Variants in ZZEF1 observed in about 807,000 individuals in gnomAD.
ZZEF1 encodes zinc finger ZZ-type and EF-hand domain containing 1.
ZZEF1 carries 157 observed loss-of-function variants against 342.8 expected under a neutral mutation model. That is an observed-to-expected ratio of 0.46 (90% CI 0.40 to 0.52). The LOEUF (loss-of-function observed/expected upper bound fraction) is 0.52, where lower values mean the gene tolerates loss of function less well. ZZEF1 is among the 20% of genes least tolerant of loss of function. The pLI is 0.00. For missense variants in ZZEF1, 3,480 were observed against 3,725.6 expected (o/e 0.93, Z 1.72); for synonymous variants, 1,505 against 1,429.1 (o/e 1.05, Z -1.20).
chr17:4,014,009 G>A lies in ZZEF1; in HGVS notation c.8413+81C>T. On this transcript the variant is annotated intron_variant, in intron 51 of 54. Coordinates refer to ENST00000381638, the MANE Select transcript of ZZEF1 (RefSeq NM_015113.4). The surrounding 1 kb of genome is among the most constrained non-coding windows in gnomAD (Gnocchi z 4.4). ...AAGTACCTGCTTTGATTTTAACCAA[G>A]ATCAGTGACATCATGGCACCCACAG... 1 of 1,344,664 alleles carries A rather than the reference G, an allele frequency of 7.4e-7. No individual in the cohort carries two copies. Among genetic ancestry groups the A allele is most frequent in the Non-Finnish European group, 1.1e-6 (1 of 947,624 alleles). The allele number at this position is 1,344,664 out of a possible 1,614,324, so 83.3% of individuals were successfully genotyped here. A position where few individuals can be genotyped will look rare whatever the true frequency, so the allele number is the denominator to read the frequency against.
chr17:4,102,657 A>G (rs759580398), intron 8 of ZZEF1, among the ~76,000 whole-genome samples: 8 of 152,244 alleles, frequency 5.3e-5, no homozygotes, highest in Non-Finnish European at 8.8e-5. Context: ...TTTCTAGAAC[A>G]ATCATTGTTC....
chr17:4,024,203 T>TG (rs2056349554), intron 43 of ZZEF1, among the ~76,000 whole-genome samples: 4 of 143,324 alleles, frequency 2.8e-5, no homozygotes, highest in African/African-American at 1.1e-4. Context: ...TTTTTTTTTT[T>TG]TTTTTTTTTT....
chr17:4,140,298 A>G lies in ZZEF1; in HGVS notation c.354+2244T>C, dbSNP rs1413561859. Among the ~76,000 whole-genome samples the G allele has an allele frequency of 2.0e-5, 3 of 152,322 alleles. No homozygotes were observed. The East Asian group carries it at 5.8e-4, about 29-fold the overall frequency. The stretch of plus-strand genomic sequence containing the variant: ...CTGGACTTTGAACTTTTGTGGATAC[A>G]ATTTCCTCTGCCTGAAACGCTGTTA... On this transcript the variant is annotated intron_variant, in intron 1 of 54. Transcript: ENST00000381638.
At chr17:4,066,618 G>A in intron 27 of ZZEF1, 78 bp from the exon 28 acceptor site, 1 of 1,183,738 alleles carries the variant, frequency 8.4e-7, no homozygotes, top group Non-Finnish European at 1.3e-6. Flanking sequence ...TACTTCAAAA[G>A]CACACAGCAC....
chr17:4,042,654 T>A, intron 38 of ZZEF1, 86 bp from the exon 39 acceptor site: 1 of 1,304,032 alleles, frequency 7.7e-7, no homozygotes. Flanking sequence ...TCCCCTGTGC[T>A]GCTACGGAAT....
chr17:4,058,057 T>C lies in ZZEF1; in HGVS notation c.5102A>G (p.Gln1701Arg), dbSNP rs913776025. ...PNDLAFFVDI[Q>R]LPDLLMKMSQ... The stretch of plus-strand genomic sequence containing the variant: ...CATTTTCATGAGGAGATCTGGTAAC[T>C]GAATATCAACAAAGAAGGCGAGATC... Residue 1701 changes from glutamine to arginine, a missense_variant, in exon 32 of 55, where the codon CAG becomes CGG. Gln to Arg is a conservative substitution (Grantham distance 43). Transcript: ENST00000381638. 9 of 1,614,168 alleles carry C rather than the reference T, an allele frequency of 5.6e-6. No individual in the cohort carries two copies. Among genetic ancestry groups the C allele is most frequent in the Admixed American group, 1.7e-5 (1 of 60,020 alleles).
At chr17:4,021,939 T>C (rs1458465258) in intron 44 of ZZEF1, among the ~76,000 whole-genome samples, 1 of 151,796 alleles carries the variant, frequency 6.6e-6, no homozygotes, top group Non-Finnish European at 1.5e-5. Context: ...GAGGGTTTTT[T>C]TTTTTCTTTT....
rs755591791 is a variant in ZZEF1 at position 4,064,781 on chromosome 17, G to T, written c.4298C>A (p.Thr1433Lys). The change falls in exon 29 of 55, where the codon ACG becomes AAG. Residue 1433 changes from threonine (T) to lysine (K), a missense_variant. Transcript: ENST00000381638. ...GCAGCTTTCTTTTGAACTTATGCCC[G>T]TGGGCAGAAATTTTAGTAATAGAAG... ...KSLLLLKFLP[T>K]GISSKESCEK... 8.1e-6 allele frequency: 13 copies of T among 1,609,434 alleles called. No homozygotes were observed. The highest frequency in any genetic ancestry group is 1.1e-5 in the Non-Finnish European group (13 of 1,178,036).
chr17:4,077,850 A>T (rs1567820642), intron 19 of ZZEF1, 33 bp downstream of exon 19: 1 of 1,607,514 alleles, frequency 6.2e-7, no homozygotes, highest in South Asian at 1.1e-5. Context: ...CCCAAACGCC[A>T]TCTGTTTTCA....
chr17:4,044,702 A>G (rs2056875443), intron 37 of ZZEF1, among the ~76,000 whole-genome samples: 1 of 151,692 alleles, frequency 6.6e-6, no homozygotes, highest in African/African-American at 2.4e-5. Flanking sequence ...TATTTTTAGT[A>G]GAGACAGGGT....
chr17:4,115,670 TAAATA>T (rs1309601214), intron 3 of ZZEF1, among the ~76,000 whole-genome samples: 1 of 151,998 alleles, frequency 6.6e-6, no homozygotes, highest in Non-Finnish European at 1.5e-5. Flanking sequence ...CGCAAATAAA[TAAATA>T]AAATAAAATA....
chr17:4,040,522 G>C (rs1447563457), intron 39 of ZZEF1, among the ~76,000 whole-genome samples: 2 of 152,122 alleles, frequency 1.3e-5, no homozygotes, highest in Non-Finnish European at 2.9e-5. Context: ...GGAATAAAAG[G>C]TCTCACTTTA....
At chr17:4,103,957 C>T (rs559689768) in intron 8 of ZZEF1, among the ~76,000 whole-genome samples, 1 of 152,272 alleles carries the variant, frequency 6.6e-6, no homozygotes, top group South Asian at 2.1e-4. Flanking sequence ...CACTGGAATA[C>T]TGCCAACAGG....
intron 49 of ZZEF1, among the ~76,000 whole-genome samples, chr17:4,015,354 A>G (rs1350919768): frequency 2.0e-5 from 3 of 152,254 alleles, no homozygotes; most frequent in Non-Finnish European, 2.9e-5. Flanking sequence ...CAGCTGGCCA[A>G]TAACCCAGTT....
intron 38 of ZZEF1, among the ~76,000 whole-genome samples, chr17:4,042,774 C>T (rs527391664): frequency 9.9e-4 from 151 of 152,342 alleles, no homozygotes; most frequent in African/African-American, 3.3e-3. Flanking sequence ...CTCCACCTCC[C>T]GGGTTCAAGC....
intron 11 of ZZEF1, among the ~76,000 whole-genome samples, chr17:4,091,704 G>GAGGT (rs2057945558): frequency 6.6e-6 from 1 of 151,926 alleles, no homozygotes; most frequent in South Asian, 2.1e-4. Flanking sequence ...TTGAACCCAA[G>GAGGT]AGGTGGAGGT....
At chr17:4,136,136 G>A (rs568497566) in intron 1 of ZZEF1, among the ~76,000 whole-genome samples, 6 of 149,584 alleles carry the variant, frequency 4.0e-5, no homozygotes, top group South Asian at 4.3e-4. Context: ...AACTACAGGC[G>A]CGCTTCACCA....
chr17:4,123,253 A>C (rs1347467962), intron 2 of ZZEF1, among the ~76,000 whole-genome samples: 1 of 132,940 alleles, frequency 7.5e-6, no homozygotes, highest in Non-Finnish European at 1.6e-5. Context: ...TTTATACATT[A>C]GAATTTATCA....
At chr17:4,060,159 C>T (rs141998737) in intron 30 of ZZEF1, among the ~76,000 whole-genome samples, 298 of 152,342 alleles carry the variant, frequency 2.0e-3, no homozygotes, top group African/African-American at 6.8e-3. Flanking sequence ...GGAAACACCA[C>T]ACAAGCAAGC....
Sources: gnomAD v4.1 joint callset for allele counts (sites outside exome capture counted in the v4.1 genomes callset) on GRCh38, gnomAD v4.1.1 for gene constraint, Gnocchi (gnomAD v3.1) non-coding constraint, MANE v1.5 for transcripts, NCBI Gene and HGNC (gene_info 2026-07-23, HGNC 2026-07-21) for gene names.